AGMO: variants seen among roughly 807,000 people sequenced by gnomAD.
The protein encoded by AGMO is glyceryl-ether monooxygenase.
Under a neutral mutation model 60.2 loss-of-function variants are expected in AGMO, and 75 were observed. The ratio of observed to expected loss-of-function variants is 1.25; its 90% CI spans 1.03 to 1.51. AGMO has a LOEUF of 1.51. Ranked by LOEUF, AGMO falls within the 40% of genes most tolerant of loss-of-function variation. AGMO has a pLI of 0.00. For synonymous variants in AGMO, 261 were observed against 177.1 expected (o/e 1.47, Z -3.76); for missense variants, 763 against 525.5 (o/e 1.45, Z -4.42).
intron 12 of AGMO, among the ~76,000 whole-genome samples, chr7:15,357,497 C>T (rs1189407999): frequency 1.3e-5 from 2 of 152,150 alleles, no homozygotes; most frequent in African/African-American, 4.8e-5. Flanking sequence ...TCTTACTGCT[C>T]TTCAAATCAA....
intron 12 of AGMO, among the ~76,000 whole-genome samples, chr7:15,237,759 T>G (rs911049429): frequency 4.6e-5 from 7 of 152,126 alleles, no homozygotes; most frequent in African/African-American, 1.7e-4. Context: ...TTGACCAAAG[T>G]GTAGACAGGC....
intron 10 of AGMO, among the ~76,000 whole-genome samples, chr7:15,366,930 T>C (rs1783007356): frequency 6.6e-6 from 1 of 152,062 alleles, no homozygotes; most frequent in South Asian, 2.1e-4. Context: ...CCATTGAGAT[T>C]ATTAGATTTC....
At position 15,325,556 on chromosome 7, in the gene AGMO, C is replaced by G. The variant is rs1473484689; in HGVS notation, c.1263+39958G>C. Among the ~76,000 whole-genome samples the G allele has an allele frequency of 2.6e-5, 4 of 151,990 alleles. No homozygotes were observed. The East Asian group carries it at 7.7e-4, about 29-fold the overall frequency. ...TTACACACCTATACATGCACACATACAAAAGGACTCTATTTCAACAGCACA... is the reference window on the plus strand; with the variant it reads ...TTACACACCTATACATGCACACATAGAAAAGGACTCTATTTCAACAGCACA... On this transcript the variant is annotated intron_variant, in intron 12 of 12. Transcript: ENST00000342526.
At chr7:15,153,769 G>A in the AGMO span, among the ~76,000 whole-genome samples, 5 of 152,138 alleles carry the variant, frequency 3.3e-5, no homozygotes, top group Non-Finnish European at 7.4e-5. Context: ...ATCGGGTAAT[G>A]TAATGCCTCC....
chr7:15,435,532 T>C (rs1264057356), intron 3 of AGMO, among the ~76,000 whole-genome samples: 1 of 152,168 alleles, frequency 6.6e-6, no homozygotes, highest in African/African-American at 2.4e-5. Flanking sequence ...CTTTTTGAAG[T>C]GTCTATTCAA....
At chr7:15,208,540 C>G (rs1232440362) in intron 12 of AGMO, among the ~76,000 whole-genome samples, 1 of 152,074 alleles carries the variant, frequency 6.6e-6, no homozygotes, top group Non-Finnish European at 1.5e-5. Flanking sequence ...AGAAAAATAA[C>G]AAGGCATTTG....
chr7:15,530,687 TG>T (rs1784288434), intron 3 of AGMO, among the ~76,000 whole-genome samples: 1 of 135,236 alleles, frequency 7.4e-6, no homozygotes, highest in East Asian at 2.1e-4. Context: ...ATTCTATATA[TG>T]TATTTCTACA....
intron 12 of AGMO, among the ~76,000 whole-genome samples, chr7:15,305,331 T>C (rs907748576): frequency 4.6e-5 from 7 of 152,008 alleles, no homozygotes; most frequent in African/African-American, 1.4e-4. Flanking sequence ...TTTGTATATT[T>C]TTCCATATCC....
chr7:15,509,022 C>T (rs770062277), intron 3 of AGMO, among the ~76,000 whole-genome samples: 1 of 152,202 alleles, frequency 6.6e-6, no homozygotes, highest in East Asian at 1.9e-4. Flanking sequence ...TACAATTCTA[C>T]AGCCCTTAAA....
chr7:15,381,130 A>C (rs1783667865), intron 10 of AGMO, among the ~76,000 whole-genome samples: 1 of 152,204 alleles, frequency 6.6e-6, no homozygotes, highest in African/African-American at 2.4e-5. Flanking sequence ...CAAAGATTTC[A>C]TGATGAAGAC....
chr7:15,376,130 AT>A (rs1783440904), intron 10 of AGMO, among the ~76,000 whole-genome samples: 2 of 152,238 alleles, frequency 1.3e-5, no homozygotes, highest in South Asian at 4.2e-4. Context: ...CTACAAATCC[AT>A]TACATTCATT....
intron 12 of AGMO, among the ~76,000 whole-genome samples, chr7:15,335,163 G>T (rs917414438): frequency 3.3e-5 from 5 of 152,124 alleles, no homozygotes; most frequent in Non-Finnish European, 5.9e-5. Context: ...AAATAAATCA[G>T]CTGAAGTGAT....
intron 12 of AGMO, among the ~76,000 whole-genome samples, chr7:15,238,040 T>C (rs1419962087): frequency 6.6e-6 from 1 of 151,976 alleles, no homozygotes; most frequent in East Asian, 1.9e-4. Flanking sequence ...TTGACCAGCC[T>C]CTCCCTTAAT....
At chr7:15,153,788 T>C in the AGMO span, among the ~76,000 whole-genome samples, 2 of 152,206 alleles carry the variant, frequency 1.3e-5, no homozygotes, top group Non-Finnish European at 2.9e-5. Context: ...CCAGATTTAC[T>C]CTTTTTGCTT....
At chr7:15,437,955 T>C (rs1048256609) in intron 3 of AGMO, among the ~76,000 whole-genome samples, 35 of 152,280 alleles carry the variant, frequency 2.3e-4, no homozygotes, top group Middle Eastern at 6.8e-3. Flanking sequence ...TTCCCTTTAT[T>C]CTATCCCATA....
intron 12 of AGMO, among the ~76,000 whole-genome samples, chr7:15,244,641 G>C (rs75530569): frequency 2.0e-5 from 3 of 148,010 alleles, no homozygotes; most frequent in Admixed American, 2.0e-4. Context: ...TCTTTTTTTT[G>C]TTTGTTTGTT....
the AGMO span, among the ~76,000 whole-genome samples, chr7:15,125,987 T>A: frequency 6.6e-6 from 1 of 152,146 alleles, no homozygotes; most frequent in Non-Finnish European, 1.5e-5. Context: ...GTATATTAAT[T>A]AGTAATGAAT....
chr7:15,348,249 T>A (rs909162960), intron 12 of AGMO, among the ~76,000 whole-genome samples: 1 of 152,168 alleles, frequency 6.6e-6, no homozygotes, highest in Non-Finnish European at 1.5e-5. Flanking sequence ...AACTCATTCA[T>A]CTGTATCCTC....
intron 2 of AGMO, among the ~76,000 whole-genome samples, chr7:15,547,422 G>A (rs1051561634): frequency 3.9e-5 from 6 of 152,090 alleles, no homozygotes; most frequent in Admixed American, 6.5e-5. Context: ...CATCTCACTA[G>A]GGAGTGCCAG....
Sources: allele counts gnomAD v4.1 joint callset (sites outside exome capture counted in the v4.1 genomes callset), GRCh38; gene constraint gnomAD v4.1.1; transcripts MANE v1.5; gene names NCBI Gene and HGNC (gene_info 2026-07-23, HGNC 2026-07-21).